Variants in CHCHD6 observed in about 807,000 individuals in gnomAD.
The protein encoded by CHCHD6 is coiled-coil-helix-coiled-coil-helix domain containing 6.
In CHCHD6, 28 loss-of-function variants were observed where a neutral mutation model predicts 32.3. That is an observed-to-expected ratio of 0.87 (90% CI 0.64 to 1.19). CHCHD6 has a LOEUF of 1.19. Among genes scored for constraint, CHCHD6 ranks in the 50% most tolerant of loss-of-function variants. The probability of loss-of-function intolerance (pLI) is 0.00; values close to 1 mark genes in which losing one functional copy is unlikely to be tolerated. For missense variants in CHCHD6, 333 were observed against 307.0 expected (o/e 1.08, Z -0.63); for synonymous variants, 122 against 117.5 (o/e 1.04, Z -0.25).
chr3:126,953,140 A>AC, intron 6 of CHCHD6: 1 of 985,338 alleles, frequency 1.0e-6, no homozygotes, highest in Non-Finnish European at 1.2e-6. Context: ...TACCTGATGC[A>AC]CCGACCACAC....
At chr3:126,799,615 C>T (rs556571885) in intron 4 of CHCHD6, among the ~76,000 whole-genome samples, 9 of 152,270 alleles carry the variant, frequency 5.9e-5, no homozygotes, top group African/African-American at 7.2e-5. Context: ...GAGCTCGCAT[C>T]GCCCCACATT....
At chr3:126,906,991 A>C (rs560270183) in intron 5 of CHCHD6, among the ~76,000 whole-genome samples, 15 of 152,316 alleles carry the variant, frequency 9.8e-5, no homozygotes, top group African/African-American at 3.6e-4. Context: ...GGGCAGAGGC[A>C]TGCCTGGCCC....
chr3:126,947,496 G>A (rs115698113), intron 6 of CHCHD6, among the ~76,000 whole-genome samples: 73 of 152,338 alleles, frequency 4.8e-4, no homozygotes, highest in Non-Finnish European at 9.3e-4. Context: ...TGGCGGTGCA[G>A]AGAGCAAGAG....
chr3:126,778,285 T>A (rs1314465245), intron 4 of CHCHD6, among the ~76,000 whole-genome samples: 1 of 152,226 alleles, frequency 6.6e-6, no homozygotes, highest in East Asian at 1.9e-4. Context: ...GTTATATACT[T>A]TGCAATGGAA....
At chr3:126,741,764 A>G (rs1241126486) in intron 4 of CHCHD6, among the ~76,000 whole-genome samples, 3 of 152,204 alleles carry the variant, frequency 2.0e-5, no homozygotes, top group East Asian at 1.9e-4. Flanking sequence ...GCCTGGACCA[A>G]TGCCGGGAGC....
At chr3:126,870,570 G>A (rs893533318) in intron 5 of CHCHD6, among the ~76,000 whole-genome samples, 5 of 152,112 alleles carry the variant, frequency 3.3e-5, no homozygotes, top group Admixed American at 6.5e-5. Context: ...TGCTTGTGAG[G>A]GACTGTCTTC....
intron 4 of CHCHD6, among the ~76,000 whole-genome samples, chr3:126,781,381 T>C (rs1267076404): frequency 1.3e-5 from 2 of 152,208 alleles, no homozygotes; most frequent in African/African-American, 2.4e-5. Context: ...GTGGTAGCAT[T>C]GAAGTGACAA....
chr3:126,836,019 T>C (rs370932254), intron 4 of CHCHD6, among the ~76,000 whole-genome samples: 20 of 152,352 alleles, frequency 1.3e-4, no homozygotes, highest in African/African-American at 4.3e-4. Context: ...AGATAATCAG[T>C]CTGTCCTCTT....
chr3:126,882,092 A>G (rs1215774434), intron 5 of CHCHD6, among the ~76,000 whole-genome samples: 2 of 152,160 alleles, frequency 1.3e-5, no homozygotes, highest in Admixed American at 1.3e-4. Context: ...CTCCAAACAC[A>G]CATCCTTCAT....
chr3:126,775,543 A>T (rs1296407488), intron 4 of CHCHD6, among the ~76,000 whole-genome samples: 2 of 152,220 alleles, frequency 1.3e-5, no homozygotes, highest in Non-Finnish European at 1.5e-5. Flanking sequence ...GTACAAGGTT[A>T]TTAACTAGGT....
At chr3:126,780,597 T>C (rs1479957354) in intron 4 of CHCHD6, among the ~76,000 whole-genome samples, 2 of 152,250 alleles carry the variant, frequency 1.3e-5, no homozygotes, top group Non-Finnish European at 2.9e-5. Flanking sequence ...GGTCATCTTC[T>C]TGATTCTGGC....
chr3:126,752,951 T>C (rs1936790204), intron 4 of CHCHD6, among the ~76,000 whole-genome samples: 1 of 152,136 alleles, frequency 6.6e-6, no homozygotes, highest in African/African-American at 2.4e-5. Context: ...GTAAGTCACA[T>C]TGTTTGTCAT....
chr3:126,732,097 A>C (rs1935833491), intron 3 of CHCHD6, among the ~76,000 whole-genome samples: 1 of 151,536 alleles, frequency 6.6e-6, no homozygotes. Context: ...AAAAAAAAAA[A>C]AGAGGAAAAA....
chr3:126,871,907 C>T (rs892500925), intron 5 of CHCHD6, among the ~76,000 whole-genome samples: 3 of 151,994 alleles, frequency 2.0e-5, no homozygotes, highest in South Asian at 2.1e-4. Context: ...CCTCATAATC[C>T]GCCTTCCTCG....
chr3:126,945,842 G>T (rs1479529025), intron 6 of CHCHD6, among the ~76,000 whole-genome samples: 4 of 151,820 alleles, frequency 2.6e-5, no homozygotes, highest in African/African-American at 9.7e-5. Context: ...GGAGACTTGA[G>T]GGGGGAAGTG....
intron 4 of CHCHD6, among the ~76,000 whole-genome samples, chr3:126,824,888 T>C (rs1350503668): frequency 6.6e-6 from 1 of 152,102 alleles, no homozygotes; most frequent in Non-Finnish European, 1.5e-5. Flanking sequence ...CTGACTTTCT[T>C]GATTTTCTTA....
chr3:126,944,105 G>A (rs535550849), intron 6 of CHCHD6, among the ~76,000 whole-genome samples: 1 of 152,374 alleles, frequency 6.6e-6, no homozygotes, highest in South Asian at 2.1e-4. Context: ...GAGGATGGGA[G>A]AAGGAGGTAG....
chr3:126,863,320 ACCT>A (rs377399364), intron 5 of CHCHD6, among the ~76,000 whole-genome samples: 9,368 of 67,384 alleles, frequency 0.14, 1,389 homozygotes, highest in African/African-American at 0.31. Context: ...CTCCATCACC[ACCT>A]CCTCCTCCTC....
chr3:126,921,802 T>A (rs752735045), intron 6 of CHCHD6, among the ~76,000 whole-genome samples: 1 of 152,186 alleles, frequency 6.6e-6, no homozygotes, highest in African/African-American at 2.4e-5. Flanking sequence ...TCTGGGACAG[T>A]CTTTAGGACC....
Sources: gnomAD v4.1 joint callset for allele counts (sites outside exome capture counted in the v4.1 genomes callset) on GRCh38, gnomAD v4.1.1 for gene constraint, MANE v1.5 for transcripts, NCBI Gene and HGNC (gene_info 2026-07-23, HGNC 2026-07-21) for gene names.